DLG2: variants seen among roughly 807,000 people sequenced by gnomAD.
DLG2 encodes the protein disks large homolog 2.
A neutral mutation model predicts 132.5 loss-of-function variants in DLG2; 45 were observed. That is an observed-to-expected ratio of 0.34 (90% CI 0.27 to 0.44). DLG2 has a LOEUF of 0.44. Among genes scored for constraint, DLG2 ranks in the 20% least tolerant of loss-of-function variants. The pLI is 1.00. For missense variants in DLG2, 1,045 were observed against 1,196.9 expected (o/e 0.87, Z 1.87); for synonymous variants, 424 against 419.6 (o/e 1.01, Z -0.13).
At chr11:85,335,791 A>C (rs1304351617) in intron 3 of DLG2, among the ~76,000 whole-genome samples, 1 of 151,710 alleles carries the variant, frequency 6.6e-6, no homozygotes, top group African/African-American at 2.4e-5. Flanking sequence ...ACCAGGACCT[A>C]TCAGGGGGTG....
At chr11:83,879,180 A>G (rs1216915795) in intron 15 of DLG2, among the ~76,000 whole-genome samples, 7 of 152,178 alleles carry the variant, frequency 4.6e-5, no homozygotes, top group Non-Finnish European at 1.0e-4. Context: ...ATGGCTTTTA[A>G]ATTTTCTCCT....
chr11:84,292,740 G>C (rs1470148162), intron 7 of DLG2, among the ~76,000 whole-genome samples: 3 of 152,048 alleles, frequency 2.0e-5, no homozygotes, highest in Non-Finnish European at 4.4e-5. Flanking sequence ...TCCAAAAGGT[G>C]GTACTTCTTA....
rs560663828 is a variant in DLG2, at chr11:83,894,451, AT to A, written c.1497-19964del. On this transcript the variant is annotated intron_variant, in intron 15 of 27. Transcript: ENST00000376104. ...CAAGGAAACAAAAAAGGAAACAAAA[AT>A]TTTTTAAAGATTTTGTTTGCCCTAA... 1.0e-3 allele frequency among the ~76,000 whole-genome samples: 158 copies of A among 152,330 alleles called. 2 individuals carry two copies. Among genetic ancestry groups the A allele is most frequent in the African/African-American group, 3.7e-3 (153 of 41,582 alleles).
intron 16 of DLG2, among the ~76,000 whole-genome samples, chr11:83,848,669 T>C (rs2059112410): frequency 6.6e-6 from 1 of 152,214 alleles, no homozygotes; most frequent in African/African-American, 2.4e-5. Context: ...CTGCCAGGGA[T>C]CCCTAACTAG....
chr11:84,495,953 C>G (rs1437640707), intron 7 of DLG2, among the ~76,000 whole-genome samples: 2 of 152,138 alleles, frequency 1.3e-5, no homozygotes, highest in East Asian at 3.9e-4. Context: ...TGGTGGCTTT[C>G]AGGTCCAGAG....
intron 6 of DLG2, among the ~76,000 whole-genome samples, chr11:84,539,217 A>C (rs546821164): frequency 1.3e-5 from 2 of 152,320 alleles, no homozygotes; most frequent in East Asian, 3.9e-4. Flanking sequence ...ACATACCTGG[A>C]AAGTGGCAAA....
At chr11:84,822,854 T>A (rs1477761044) in intron 6 of DLG2, among the ~76,000 whole-genome samples, 1 of 151,954 alleles carries the variant, frequency 6.6e-6, no homozygotes, top group Non-Finnish European at 1.5e-5. Flanking sequence ...TCTCCTAACT[T>A]AATTGAGCCA....
In DLG2 at chr11:84,420,862, G is replaced by T. The variant is rs895613536; in HGVS notation, c.519+113708C>A. 3.2e-4 allele frequency among the ~76,000 whole-genome samples: 48 copies of T among 151,094 alleles called. 1 individual carries two copies. Among genetic ancestry groups the T allele is most frequent in the African/African-American group, 1.1e-3 (45 of 41,142 alleles). On this transcript the variant is annotated intron_variant, in intron 7 of 27. Coordinates refer to ENST00000376104, the MANE Select transcript of DLG2 (RefSeq NM_001142699.3). ...TTTTTGTATTTTTAGTAGAGACGGG[G>T]TTTCACCGTTTTAGCCAGGATGGTC...
chr11:85,085,888 T>C (rs376916830), intron 6 of DLG2, among the ~76,000 whole-genome samples: 1 of 152,082 alleles, frequency 6.6e-6, no homozygotes, highest in African/African-American at 2.4e-5. Flanking sequence ...GAGTGAATAG[T>C]TTTAGCAGCA....
intron 7 of DLG2, among the ~76,000 whole-genome samples, chr11:84,441,589 T>TAAGTATATATGTATCATGTGACTC (rs1171085082): frequency 3.7e-4 from 57 of 152,212 alleles, no homozygotes; most frequent in Admixed American, 8.5e-4. Flanking sequence ...TATTTTGCTC[T>TAAGTATATATGTATCATGTGACTC]AAGTATATAT....
chr11:84,958,047 C>G (rs181437208), intron 6 of DLG2, among the ~76,000 whole-genome samples: 18 of 152,134 alleles, frequency 1.2e-4, no homozygotes, highest in Admixed American at 3.3e-4. Flanking sequence ...ATCCTTATTT[C>G]TGGGGTGTTA....
chr11:85,105,900 T>C (rs1227784700), intron 6 of DLG2, among the ~76,000 whole-genome samples: 1 of 151,002 alleles, frequency 6.6e-6, no homozygotes, highest in Non-Finnish European at 1.5e-5. Flanking sequence ...TGCTTCTGAG[T>C]GCCATGGTCT....
intron 6 of DLG2, among the ~76,000 whole-genome samples, chr11:84,613,139 C>T (rs1230929905): frequency 6.6e-6 from 1 of 152,062 alleles, no homozygotes; most frequent in East Asian, 1.9e-4. Context: ...TTGGAATCCT[C>T]CTAGCAACAC....
At chr11:83,832,796 A>G (rs2054940634) in intron 17 of DLG2, among the ~76,000 whole-genome samples, 3 of 152,328 alleles carry the variant, frequency 2.0e-5, no homozygotes, top group South Asian at 4.1e-4. Context: ...GGTGCTTAAT[A>G]CATTGTTGCT....
At position 85,057,055 on chromosome 11, in the gene DLG2, T is replaced by C. The variant is rs557148517; in HGVS notation, c.357+54606A>G. On this transcript the variant is annotated intron_variant, in intron 6 of 27. Coordinates refer to ENST00000376104, the MANE Select transcript of DLG2 (RefSeq NM_001142699.3). Reference sequence around the variant, plus strand: ...ATATATGGGTAAGTCTAAGTGAATATTGGCTATGCAGTCCTTAGAAGAAAT... The same window carrying C: ...ATATATGGGTAAGTCTAAGTGAATACTGGCTATGCAGTCCTTAGAAGAAAT... Among the ~76,000 whole-genome samples the C allele has an allele frequency of 3.2e-4, 49 of 151,934 alleles. 1 individual carries two copies. The Middle Eastern group carries it at 0.017, about 53-fold the overall frequency.
At chr11:84,386,206 T>A (rs570038113) in intron 7 of DLG2, among the ~76,000 whole-genome samples, 1 of 152,208 alleles carries the variant, frequency 6.6e-6, no homozygotes, top group South Asian at 2.1e-4. Context: ...CCTTACTTTA[T>A]TTTTTAGGGT....
chr11:84,300,419 A>G (rs2098139028), intron 7 of DLG2, among the ~76,000 whole-genome samples: 1 of 152,230 alleles, frequency 6.6e-6, no homozygotes, highest in South Asian at 2.1e-4. Context: ...AAGGGGTTTC[A>G]GTGACAAGAA....
At chr11:84,543,391 C>T (rs1437517061) in intron 6 of DLG2, among the ~76,000 whole-genome samples, 2 of 152,132 alleles carry the variant, frequency 1.3e-5, no homozygotes, top group Non-Finnish European at 2.9e-5. Flanking sequence ...CTCTGCACAC[C>T]GCACACTGCT....
At chr11:84,663,289 G>C (rs1040375310) in intron 6 of DLG2, among the ~76,000 whole-genome samples, 5 of 149,758 alleles carry the variant, frequency 3.3e-5, no homozygotes, top group Non-Finnish European at 5.9e-5. Context: ...GCAATGTTGT[G>C]AGATAGACTC....
Sources: allele counts gnomAD v4.1 joint callset (sites outside exome capture counted in the v4.1 genomes callset), GRCh38; gene constraint gnomAD v4.1.1; transcripts MANE v1.5; gene names NCBI Gene and HGNC (gene_info 2026-07-23, HGNC 2026-07-21).